The following SMAP1 variants were observed in gnomAD, a reference collection of about 807,000 sequenced individuals.
SMAP1 encodes the protein small ArfGAP 1.
A neutral mutation model predicts 58.5 loss-of-function variants in SMAP1; 24 were observed. The ratio of observed to expected loss-of-function variants is 0.41; its 90% CI spans 0.30 to 0.58. The LOEUF (loss-of-function observed/expected upper bound fraction) is 0.58. Among genes scored for constraint, SMAP1 ranks in the 20% least tolerant of loss-of-function variants. The probability of loss-of-function intolerance (pLI) is 0.29; values close to 1 mark genes in which losing one functional copy is unlikely to be tolerated. For missense variants in SMAP1, 563 were observed against 566.3 expected (o/e 0.99, Z 0.06); for synonymous variants, 216 against 196.6 (o/e 1.10, Z -0.82).
chr6:70,829,052 A>T (rs959501930), intron 6 of SMAP1, among the ~76,000 whole-genome samples: 1 of 151,508 alleles, frequency 6.6e-6, no homozygotes, highest in Admixed American at 6.6e-5. Context: ...TTCCTATTTG[A>T]CTCTTTCCTA....
At chr6:70,699,757 T>C (rs1002161821) in intron 1 of SMAP1, among the ~76,000 whole-genome samples, 3 of 151,284 alleles carry the variant, frequency 2.0e-5, no homozygotes, top group Admixed American at 2.0e-4. Context: ...AGTGAGTTTG[T>C]AGTAAATGTT....
At chr6:70,815,429 A>G (rs1285992973) in intron 6 of SMAP1, among the ~76,000 whole-genome samples, 2 of 152,212 alleles carry the variant, frequency 1.3e-5, no homozygotes, top group Non-Finnish European at 2.9e-5. Flanking sequence ...TTTGTGGAAT[A>G]TGATACTCTT....
intron 6 of SMAP1, among the ~76,000 whole-genome samples, chr6:70,805,510 G>A (rs1459115106): frequency 6.6e-6 from 1 of 152,162 alleles, no homozygotes; most frequent in East Asian, 1.9e-4. Flanking sequence ...CAGTCAACTC[G>A]TCAAAGTCAT....
intron 1 of SMAP1, among the ~76,000 whole-genome samples, chr6:70,690,366 G>A (rs1767108956): frequency 6.6e-6 from 1 of 152,002 alleles, no homozygotes; most frequent in East Asian, 1.9e-4. Flanking sequence ...GAGTGCAGTG[G>A]TGCGATCTCG....
chr6:70,695,206 TATAAG>T (rs537519029), intron 1 of SMAP1, among the ~76,000 whole-genome samples: 149 of 152,326 alleles, frequency 9.8e-4, no homozygotes, highest in African/African-American at 3.3e-3. Flanking sequence ...TTTTTCTAAA[TATAAG>T]ATCATATTAC....
chr6:70,764,727 A>G (rs964857519), intron 3 of SMAP1, among the ~76,000 whole-genome samples: 4 of 152,238 alleles, frequency 2.6e-5, no homozygotes, highest in African/African-American at 4.8e-5. Context: ...GAGATACACA[A>G]ACATGTTGTT....
At position 70,858,213 on chromosome 6, in the gene SMAP1, A is replaced by C; in HGVS notation, c.1253A>C (p.Gln418Pro). 6.3e-7 allele frequency: 1 copy of C among 1,596,554 alleles called. No homozygotes were observed. The highest frequency in any genetic ancestry group is 8.5e-7 in the Non-Finnish European group (1 of 1,169,728). Residue 418 changes from glutamine (Q) to proline (P), a missense_variant, in exon 10 of 11, where the codon CAG becomes CCG. Around this residue, in one of 3 missense-constraint regions of SMAP1, gnomAD observed 494 missense variants for 473.8 expected, o/e 1.04. Coordinates refer to ENST00000370455, the MANE Select transcript of SMAP1 (RefSeq NM_001044305.3). Reference sequence around the variant, plus strand: ...GGCCTGCCGCAAGCTCAGCAGCCCCAGTGGAGCCTCTCACAGGTAGGGGTC... The same window carrying C: ...GGCCTGCCGCAAGCTCAGCAGCCCCCGTGGAGCCTCTCACAGGTAGGGGTC... ...KFGLPQAQQP[Q>P]WSLSQMNQQM... is the part of the protein sequence containing the mutation.
intron 4 of SMAP1, among the ~76,000 whole-genome samples, chr6:70,784,303 C>A (rs558920813): frequency 6.6e-6 from 1 of 151,968 alleles, no homozygotes; most frequent in Non-Finnish European, 1.5e-5. Flanking sequence ...CTGAAGGAAG[C>A]ACTAAACATG....
intron 3 of SMAP1, among the ~76,000 whole-genome samples, chr6:70,771,070 C>T (rs564944480): frequency 2.6e-5 from 4 of 151,838 alleles, no homozygotes; most frequent in South Asian, 2.1e-4. Context: ...AGCGGATTTT[C>T]GTGAACCATG....
At chr6:70,815,451 A>T (rs908387315) in intron 6 of SMAP1, among the ~76,000 whole-genome samples, 2 of 152,186 alleles carry the variant, frequency 1.3e-5, no homozygotes, top group African/African-American at 4.8e-5. Flanking sequence ...GTAAAGGACT[A>T]TGTATGTAAG....
At chr6:70,697,642 G>C (rs1449311930) in intron 1 of SMAP1, among the ~76,000 whole-genome samples, 1 of 151,980 alleles carries the variant, frequency 6.6e-6, no homozygotes, top group Non-Finnish European at 1.5e-5. Flanking sequence ...TTTCTCTGGT[G>C]GTATGTTTTA....
At chr6:70,821,342 T>C (rs980906566) in intron 6 of SMAP1, among the ~76,000 whole-genome samples, 3 of 152,230 alleles carry the variant, frequency 2.0e-5, no homozygotes, top group Non-Finnish European at 4.4e-5. Context: ...GCCATACTTT[T>C]TTTTTTATTC....
chr6:70,858,285 ATCTTTTT>A, intron 10 of SMAP1, 56 bp downstream of exon 10: 5 of 1,019,714 alleles, frequency 4.9e-6, no homozygotes, highest in African/African-American at 2.1e-5. Context: ...TATTTTCTAA[ATCTTTTT>A]TTTTTTTTTT....
intron 4 of SMAP1, among the ~76,000 whole-genome samples, chr6:70,786,372 A>G (rs1768029719): frequency 6.9e-6 from 1 of 144,066 alleles, no homozygotes; most frequent in African/African-American, 2.6e-5. Flanking sequence ...AACTGGAAGC[A>G]TTCCCTTTGA....
chr6:70,825,772 A>G (rs1396787154), intron 6 of SMAP1, among the ~76,000 whole-genome samples: 5 of 152,208 alleles, frequency 3.3e-5, no homozygotes, highest in Non-Finnish European at 7.3e-5. Flanking sequence ...TAAACAGTTA[A>G]GTTGGAATAA....
chr6:70,772,986 G>T (rs780519979), intron 3 of SMAP1: 1 of 223,492 alleles, frequency 4.5e-6, no homozygotes, highest in Non-Finnish European at 8.7e-6. Context: ...CTCAGTGTGG[G>T]TACTTGCATA....
At chr6:70,746,294 A>G (rs527484173) in intron 2 of SMAP1, among the ~76,000 whole-genome samples, 27 of 152,292 alleles carry the variant, frequency 1.8e-4, no homozygotes, top group South Asian at 1.0e-3. Flanking sequence ...ATTCAGTATG[A>G]TATTGGCTGT....
chr6:70,717,950 A>G (rs549105541), intron 1 of SMAP1, among the ~76,000 whole-genome samples: 183 of 152,342 alleles, frequency 1.2e-3, no homozygotes, highest in African/African-American at 4.1e-3. Flanking sequence ...GGGAAAGGAA[A>G]AAGTTAGATG....
intron 2 of SMAP1, among the ~76,000 whole-genome samples, chr6:70,746,335 G>C (rs560663083): frequency 3.3e-5 from 5 of 152,252 alleles, no homozygotes; most frequent in Admixed American, 1.3e-4. Context: ...TTATTATTTT[G>C]AGATACATTC....
Sources: gnomAD v4.1 joint callset for allele counts (sites outside exome capture counted in the v4.1 genomes callset) on GRCh38, gnomAD v4.1.1 for gene constraint, gnomAD v4.1.1 regional missense constraint, MANE v1.5 for transcripts, NCBI Gene and HGNC (gene_info 2026-07-23, HGNC 2026-07-21) for gene names.